GPHN: variants seen among roughly 807,000 people sequenced by gnomAD.
The protein encoded by GPHN is gephyrin.
GPHN carries 17 observed loss-of-function variants against 95.5 expected under a neutral mutation model. That is an observed-to-expected ratio of 0.18 (90% CI 0.12 to 0.27). The LOEUF is 0.27. Ranked by LOEUF, GPHN falls within the 10% of genes least tolerant of loss-of-function variation. GPHN has a pLI of 1.00. For synonymous variants in GPHN, 320 were observed against 322.5 expected, an observed-to-expected ratio of 0.99 and a Z score of 0.08; for missense variants, 660 against 978.1, an observed-to-expected ratio of 0.67 and a Z score of 4.34.
intron 5 of GPHN, among the ~76,000 whole-genome samples, chr14:66,883,746 T>C (rs916612431): frequency 2.0e-5 from 3 of 152,110 alleles, no homozygotes; most frequent in Non-Finnish European, 4.4e-5. Context: ...TGCTATATTG[T>C]TAGTGTCTGC....
chr14:67,692,716 G>C, the GPHN span: 1 of 1,183,050 alleles, frequency 8.5e-7, no homozygotes, highest in Non-Finnish European at 1.2e-6. Context: ...CACAACAGAG[G>C]TATCTGATTA....
At chr14:67,447,349 A>C in the GPHN span, 7 of 152,322 alleles carry the variant, frequency 4.6e-5, no homozygotes, top group African/African-American at 1.7e-4. Flanking sequence ...TGGAGGTTAA[A>C]GTTTAAACAT....
intron 4 of GPHN, among the ~76,000 whole-genome samples, chr14:66,847,310 A>G (rs1275195681): frequency 6.6e-6 from 1 of 152,202 alleles, no homozygotes; most frequent in African/African-American, 2.4e-5. Context: ...TCATTCTGAA[A>G]AACATTTTAA....
chr14:67,575,163 G>A, the GPHN span, among the ~76,000 whole-genome samples: 2 of 152,038 alleles, frequency 1.3e-5, no homozygotes, highest in Non-Finnish European at 2.9e-5. Context: ...CTGGCTAATC[G>A]TTTCATGGCA....
intron 9 of GPHN, among the ~76,000 whole-genome samples, chr14:66,972,863 T>C (rs1303553798): frequency 1.3e-5 from 2 of 152,162 alleles, no homozygotes; most frequent in Admixed American, 6.5e-5. Context: ...ACAGTGATTG[T>C]TCATACTACT....
intron 3 of GPHN, among the ~76,000 whole-genome samples, chr14:66,798,753 C>CA (rs968236663): frequency 7.3e-5 from 11 of 149,994 alleles, no homozygotes; most frequent in Admixed American, 1.3e-4. Flanking sequence ...TTTAATTTTT[C>CA]AAAAAAAACT....
chr14:66,780,444 T>G (rs1157511933), intron 3 of GPHN, among the ~76,000 whole-genome samples: 1 of 152,116 alleles, frequency 6.6e-6, no homozygotes, highest in Non-Finnish European at 1.5e-5. Context: ...AGAGTATTAA[T>G]ATATTATTTA....
chr14:66,622,950 T>G (rs143587294), intron 1 of GPHN, among the ~76,000 whole-genome samples: 69 of 152,286 alleles, frequency 4.5e-4, no homozygotes, highest in African/African-American at 1.5e-3. Context: ...GCTTCCACAT[T>G]TTCATGTATG....
chr14:66,655,463 G>A (rs970802030), intron 1 of GPHN, among the ~76,000 whole-genome samples: 5 of 151,774 alleles, frequency 3.3e-5, no homozygotes, highest in African/African-American at 1.2e-4. Flanking sequence ...TGTATCTTGT[G>A]GCCTTGAAGA....
At chr14:67,371,463 AC>A in the GPHN span, among the ~76,000 whole-genome samples, 1 of 152,172 alleles carries the variant, frequency 6.6e-6, no homozygotes, top group Non-Finnish European at 1.5e-5. Flanking sequence ...CTTTCGAAAT[AC>A]AGTCATGTGG....
chr14:66,793,559 A>C (rs562112726), intron 3 of GPHN, among the ~76,000 whole-genome samples: 52 of 152,268 alleles, frequency 3.4e-4, no homozygotes, highest in African/African-American at 1.2e-3. Flanking sequence ...GAGTGTGTGC[A>C]TATGTCTGTA....
rs199619452 is a variant in GPHN at position 67,044,337 on chromosome 14, C to CA, written c.1007-14303dup. Among the ~76,000 whole-genome samples the CA allele has an allele frequency of 2.5e-3, 379 of 149,096 alleles. 7 individuals are homozygous for CA. The East Asian group carries it at 0.041, about 16-fold the overall frequency. ...GGGTGACAGAGACAAGACTCTGTCT[C>CA]AAAAAAAAACAAAAAATAAACAATA... On this transcript the variant is annotated intron_variant, in intron 10 of 22. Coordinates refer to ENST00000478722, the MANE Select transcript of GPHN (RefSeq NM_020806.5).
the GPHN span, among the ~76,000 whole-genome samples, chr14:67,442,946 G>A: frequency 2.0e-5 from 3 of 152,218 alleles, no homozygotes; most frequent in Admixed American, 1.3e-4. Flanking sequence ...TGGGCTGGGT[G>A]AGGTGGCTCA....
chr14:66,896,829 A>G (rs955846133), intron 5 of GPHN, among the ~76,000 whole-genome samples: 2 of 152,046 alleles, frequency 1.3e-5, no homozygotes, highest in African/African-American at 4.8e-5. Flanking sequence ...AAAAAAACAA[A>G]GACAAGTAGA....
intron 21 of GPHN, among the ~76,000 whole-genome samples, chr14:67,179,227 A>T (rs1567457250): frequency 6.6e-6 from 1 of 152,054 alleles, no homozygotes; most frequent in Non-Finnish European, 1.5e-5. Context: ...TCTAAAAATA[A>T]AAATAAAAAT....
chr14:66,621,807 C>T lies in GPHN; in HGVS notation c.65-59300C>T, dbSNP rs115412040. On this transcript the variant is annotated intron_variant, in intron 1 of 22. Transcript: ENST00000478722. ...CATGCTGATGCAAGAGGTGGGTTCT[C>T]ATGGTCTGGGCAGCTCCACCCCTGT... 7.9e-3 allele frequency among the ~76,000 whole-genome samples: 1,204 copies of T among 152,312 alleles called. 9 individuals are homozygous for T. Among genetic ancestry groups the T allele is most frequent in the African/African-American group, 0.028 (1,148 of 41,570 alleles).
chr14:67,255,009 T>C, the GPHN span, among the ~76,000 whole-genome samples: 1 of 152,074 alleles, frequency 6.6e-6, no homozygotes, highest in Non-Finnish European at 1.5e-5. Flanking sequence ...ATTAGCTGGG[T>C]GTGGTGGCGC....
chr14:67,620,795 A>G, the GPHN span: 1 of 1,166,000 alleles, frequency 8.6e-7, no homozygotes, highest in Non-Finnish European at 1.3e-6. Context: ...TGATGCTGTC[A>G]CAGGTTTTCA....
the GPHN span, among the ~76,000 whole-genome samples, chr14:67,508,951 C>T: frequency 0.075 from 11,377 of 151,842 alleles, 533 homozygotes; most frequent in Non-Finnish European, 0.092. Flanking sequence ...GTCTCCACAG[C>T]TGAATTATAA....
Sources: allele counts gnomAD v4.1 joint callset (sites outside exome capture counted in the v4.1 genomes callset), GRCh38; gene constraint gnomAD v4.1.1; transcripts MANE v1.5; gene names NCBI Gene and HGNC (gene_info 2026-07-23, HGNC 2026-07-21).